CCDC93: variants seen among roughly 807,000 people sequenced by gnomAD.
CCDC93 encodes coiled-coil domain-containing protein 93.
Under a neutral mutation model 108.2 loss-of-function variants are expected in CCDC93, and 61 were observed. That is an observed-to-expected ratio of 0.56 (90% CI 0.46 to 0.70). The LOEUF (loss-of-function observed/expected upper bound fraction) is 0.70, where lower values mean the gene tolerates loss of function less well. Among genes scored for constraint, CCDC93 ranks in the 30% least tolerant of loss-of-function variants. The probability of loss-of-function intolerance (pLI) is 0.00; values close to 1 mark genes in which losing one functional copy is unlikely to be tolerated. For missense variants in CCDC93, 685 were observed against 764.2 expected, an observed-to-expected ratio of 0.90 and a Z score of 1.22; for synonymous variants, 276 against 260.4, an observed-to-expected ratio of 1.06 and a Z score of -0.58.
chr2:117,994,108 G>A (rs1288792303), intron 6 of CCDC93, among the ~76,000 whole-genome samples: 1 of 152,200 alleles, frequency 6.6e-6, no homozygotes, highest in East Asian at 1.9e-4. Context: ...TTTAAAGTAT[G>A]ATTCCAATTC....
intron 4 of CCDC93, chr2:117,997,731 T>C (rs183805984): frequency 3.3e-5 from 5 of 152,322 alleles, no homozygotes; most frequent in East Asian, 1.9e-4. Context: ...TCAGAGAGTA[T>C]TGAGAACGAT....
intron 13 of CCDC93, 60 bp downstream of exon 13, chr2:117,952,313 T>C (rs1216801142): frequency 9.2e-7 from 1 of 1,081,690 alleles, no homozygotes; most frequent in East Asian, 2.4e-5. Flanking sequence ...CCATTAGTGG[T>C]TCAGGTCAAA....
At chr2:117,944,178 C>A (rs1678796796) in intron 17 of CCDC93, 92 bp from the exon 18 acceptor site, 2 of 874,372 alleles carry the variant, frequency 2.3e-6, no homozygotes, top group Non-Finnish European at 3.5e-6. Context: ...TTTATCATAT[C>A]TCCCCCATCC....
intron 9 of CCDC93, 40 bp downstream of exon 9, chr2:117,975,148 C>T (rs1679896268): frequency 6.5e-7 from 1 of 1,542,024 alleles, no homozygotes; most frequent in African/African-American, 1.4e-5. Context: ...CCCAAAATGA[C>T]TTACACAGAA....
intron 6 of CCDC93, among the ~76,000 whole-genome samples, chr2:117,991,466 G>A (rs1039197193): frequency 3.3e-5 from 5 of 152,136 alleles, no homozygotes; most frequent in African/African-American, 7.2e-5. Context: ...GAGGAGTGCC[G>A]ACACCTGCTG....
intron 4 of CCDC93, chr2:117,999,695 C>G (rs1229696993): frequency 6.6e-6 from 1 of 152,248 alleles, no homozygotes; most frequent in African/African-American, 2.4e-5. Flanking sequence ...TATTTGCATA[C>G]AACCTAAACA....
chr2:117,938,688 C>G (rs1678601671), intron 20 of CCDC93, among the ~76,000 whole-genome samples: 2 of 152,092 alleles, frequency 1.3e-5, no homozygotes, highest in African/African-American at 2.4e-5. Context: ...TAAACTATAA[C>G]AAGCCCACCA....
chr2:117,945,205 C>T (rs149898451), intron 17 of CCDC93, among the ~76,000 whole-genome samples: 4 of 152,342 alleles, frequency 2.6e-5, no homozygotes, highest in Non-Finnish European at 5.9e-5. Flanking sequence ...CACCCCATCC[C>T]TCAGAGCCCG....
At chr2:117,932,492 T>C (rs536058199) in intron 22 of CCDC93, among the ~76,000 whole-genome samples, 21 of 152,330 alleles carry the variant, frequency 1.4e-4, no homozygotes, top group African/African-American at 4.6e-4. Context: ...GGGACTGATT[T>C]GCCTAGTCAA....
chr2:117,920,918 T>C (rs904578823), intron 23 of CCDC93, among the ~76,000 whole-genome samples: 4 of 152,174 alleles, frequency 2.6e-5, no homozygotes, highest in African/African-American at 9.7e-5. Context: ...GCGCAGTGGC[T>C]CATGCCTGTA....
chr2:117,962,112 A>G (rs1266396014), intron 11 of CCDC93, among the ~76,000 whole-genome samples: 1 of 152,246 alleles, frequency 6.6e-6, no homozygotes, highest in Non-Finnish European at 1.5e-5. Flanking sequence ...TAAATTCCCA[A>G]GAGAAGCAAA....
At chr2:117,997,667 C>T (rs1387314364) in intron 4 of CCDC93, 4 of 152,276 alleles carry the variant, frequency 2.6e-5, no homozygotes, top group African/African-American at 9.7e-5. Context: ...TACCACTTCA[C>T]CCCCAAACAG....
intron 15 of CCDC93, 49 bp from the exon 16 acceptor site, chr2:117,946,931 G>C: frequency 7.8e-7 from 1 of 1,277,842 alleles, no homozygotes; most frequent in Non-Finnish European, 1.1e-6. Context: ...GGAGTAATTA[G>C]ACGCAATTAT....
intron 22 of CCDC93, chr2:117,934,059 G>C (rs542671633): frequency 1.3e-5 from 2 of 152,356 alleles, no homozygotes; most frequent in African/African-American, 2.4e-5. Context: ...TCCTCGGGGA[G>C]AGTGAAGAGA....
At position 117,920,322 on chromosome 2, in the gene CCDC93, T is replaced by A; in HGVS notation, c.*21A>T. On this transcript the variant is annotated 3_prime_UTR_variant, in exon 24 of 24. Transcript: ENST00000376300. The stretch of plus-strand genomic sequence containing the variant: ...GTGCTTAAAAGTAAAATCAATGACA[T>A]ACAGCCACGGCTGGGGATGTTCAGG... The A allele has an allele frequency of 6.3e-7, 1 of 1,595,374 alleles. No homozygotes were observed. The highest frequency in any genetic ancestry group is 8.6e-7 in the Non-Finnish European group (1 of 1,164,162).
intron 6 of CCDC93, among the ~76,000 whole-genome samples, chr2:117,990,643 AAAAAC>A (rs1017306975): frequency 1.3e-5 from 2 of 152,174 alleles, no homozygotes; most frequent in Non-Finnish European, 2.9e-5. Context: ...GAAAAAAAAA[AAAAAC>A]AGAGATACAA....
rs114231817 is a variant in CCDC93, at chr2:117,963,471, T to C, written c.889-4990A>G. Among the ~76,000 whole-genome samples, 1,311 of 152,338 alleles carry C rather than the reference T, an allele frequency of 8.6e-3. 20 individuals are homozygous for C. Among genetic ancestry groups the C allele is most frequent in the African/African-American group, 0.029 (1,222 of 41,578 alleles). On this transcript the variant is annotated intron_variant, in intron 11 of 23. Coordinates refer to ENST00000376300, the MANE Select transcript of CCDC93 (RefSeq NM_019044.5). ...CCTGATGATGTGTGACCACTGCAGATAGGAGGGAATCATCCACTTTCCCTG... is the reference window on the plus strand; with the variant it reads ...CCTGATGATGTGTGACCACTGCAGACAGGAGGGAATCATCCACTTTCCCTG...
At chr2:117,968,354 A>C (rs1044128857) in intron 11 of CCDC93, among the ~76,000 whole-genome samples, 4 of 152,202 alleles carry the variant, frequency 2.6e-5, no homozygotes, top group African/African-American at 9.7e-5. Context: ...TTCCCTGTAA[A>C]AATAAATGCT....
intron 11 of CCDC93, among the ~76,000 whole-genome samples, chr2:117,963,186 A>G (rs527586953): frequency 2.0e-5 from 3 of 152,318 alleles, no homozygotes; most frequent in African/African-American, 7.2e-5. Context: ...AAACTACCAT[A>G]AACAAAAGCC....
Sources: gnomAD v4.1 joint callset for allele counts (sites outside exome capture counted in the v4.1 genomes callset) on GRCh38, gnomAD v4.1.1 for gene constraint, MANE v1.5 for transcripts, NCBI Gene and HGNC (gene_info 2026-07-23, HGNC 2026-07-21) for gene names.